Variants in CCSER1 observed in about 807,000 individuals in gnomAD.
CCSER1 encodes the protein coiled-coil serine rich protein 1.
Under a neutral mutation model 82.0 loss-of-function variants are expected in CCSER1, and 41 were observed. The observed-to-expected ratio is 0.50, with a 90% CI of 0.39 to 0.65. The LOEUF is 0.65. Ranked by LOEUF, CCSER1 falls within the 30% of genes least tolerant of loss-of-function variation. CCSER1 has a pLI of 0.00. For synonymous variants in CCSER1, 414 were observed against 383.9 expected (o/e 1.08, Z -0.92); for missense variants, 1,119 against 1,064.2 (o/e 1.05, Z -0.72).
At chr4:90,464,750 T>C (rs1191420417) in intron 4 of CCSER1, among the ~76,000 whole-genome samples, 2 of 152,232 alleles carry the variant, frequency 1.3e-5, no homozygotes, top group Admixed American at 6.5e-5. Flanking sequence ...GCAAATCTAT[T>C]TGAATATGGA....
intron 8 of CCSER1, among the ~76,000 whole-genome samples, chr4:90,831,291 A>G (rs1761079987): frequency 6.6e-6 from 1 of 152,192 alleles, no homozygotes; most frequent in African/African-American, 2.4e-5. Context: ...TTTACAGTGA[A>G]GAATAATAGG....
intron 6 of CCSER1, among the ~76,000 whole-genome samples, chr4:90,675,645 C>T (rs1189207754): frequency 9.4e-4 from 1 of 1,060 alleles, no homozygotes; most frequent in Non-Finnish European, 1.7e-3. Flanking sequence ...GTGTTTTTAT[C>T]TTTTTTTTTT....
chr4:90,774,252 A>G (rs1752608537), intron 7 of CCSER1, among the ~76,000 whole-genome samples: 1 of 152,096 alleles, frequency 6.6e-6, no homozygotes, highest in Non-Finnish European at 1.5e-5. Context: ...ATTCCTGTGA[A>G]ATTGATTTAT....
rs373891010 is a variant in CCSER1, at chr4:91,168,975, T to C, written c.2217+82981T>C. Reference sequence around the variant, plus strand: ...GATTAAGGGCGGTGCAAGATGTGCTTTGTTAAACAGATGCTTGAAGGCAGC... The same window carrying C: ...GATTAAGGGCGGTGCAAGATGTGCTCTGTTAAACAGATGCTTGAAGGCAGC... On this transcript the variant is annotated intron_variant, in intron 10 of 10. Coordinates refer to ENST00000509176, the MANE Select transcript of CCSER1 (RefSeq NM_001145065.2). 1.1e-4 allele frequency among the ~76,000 whole-genome samples: 16 copies of C among 152,168 alleles called. 1 individual carries two copies. The East Asian group carries it at 2.3e-3, about 22-fold the overall frequency.
chr4:91,537,112 G>A (rs867361930), intron 10 of CCSER1, among the ~76,000 whole-genome samples: 21 of 152,076 alleles, frequency 1.4e-4, no homozygotes, highest in African/African-American at 3.1e-4. Context: ...GTTTATTAGC[G>A]GTCAGGCATT....
At chr4:91,188,143 A>G (rs987229472) in intron 10 of CCSER1, among the ~76,000 whole-genome samples, 3 of 152,136 alleles carry the variant, frequency 2.0e-5, no homozygotes, top group African/African-American at 7.2e-5. Flanking sequence ...ATCTGTAGCT[A>G]CCAGCTAGGG....
At chr4:90,625,547 A>T (rs1325767023) in intron 5 of CCSER1, among the ~76,000 whole-genome samples, 1 of 152,090 alleles carries the variant, frequency 6.6e-6, no homozygotes, top group Non-Finnish European at 1.5e-5. Context: ...TTTCATGTAG[A>T]GATAAAATGT....
intron 1 of CCSER1, among the ~76,000 whole-genome samples, chr4:90,147,502 T>G (rs1232662305): frequency 1.3e-5 from 2 of 152,182 alleles, no homozygotes. Context: ...GTATTGGCCA[T>G]GTTCAAGTAC....
chr4:90,199,628 A>C (rs1384014789), intron 1 of CCSER1, among the ~76,000 whole-genome samples: 1 of 152,124 alleles, frequency 6.6e-6, no homozygotes, highest in Non-Finnish European at 1.5e-5. Flanking sequence ...CTGAAGAAAA[A>C]AAATATGTAT....
chr4:91,193,066 G>A (rs1221284961), intron 10 of CCSER1, among the ~76,000 whole-genome samples: 1 of 151,848 alleles, frequency 6.6e-6, no homozygotes, highest in Non-Finnish European at 1.5e-5. Flanking sequence ...ACTGACATGT[G>A]TTTTGTAATG....
chr4:91,415,658 T>C (rs1383493345), intron 10 of CCSER1, among the ~76,000 whole-genome samples: 4 of 152,170 alleles, frequency 2.6e-5, no homozygotes, highest in Non-Finnish European at 4.4e-5. Flanking sequence ...TCTATGTCTA[T>C]TGGAATAATC....
At chr4:91,056,756 A>G (rs566483875) in intron 9 of CCSER1, among the ~76,000 whole-genome samples, 1 of 152,008 alleles carries the variant, frequency 6.6e-6, no homozygotes, top group Admixed American at 6.6e-5. Context: ...GTTTTGTTTT[A>G]TTGTTTTAGG....
chr4:90,886,420 C>T (rs1043679821), intron 8 of CCSER1, among the ~76,000 whole-genome samples: 1 of 152,176 alleles, frequency 6.6e-6, no homozygotes, highest in African/African-American at 2.4e-5. Flanking sequence ...CTACCTCCCC[C>T]AGAAATGCCT....
intron 5 of CCSER1, among the ~76,000 whole-genome samples, chr4:90,556,142 A>G (rs1242706896): frequency 6.6e-6 from 1 of 152,140 alleles, no homozygotes; most frequent in African/African-American, 2.4e-5. Context: ...AGGCTTATCC[A>G]TTAGGCCCAT....
intron 10 of CCSER1, among the ~76,000 whole-genome samples, chr4:91,426,942 AAG>A (rs1754018224): frequency 6.6e-6 from 1 of 152,170 alleles, no homozygotes; most frequent in African/African-American, 2.4e-5. Context: ...ATAATCCTAT[AAG>A]TAGATGCTGT....
At chr4:90,631,700 T>G (rs539135158) in intron 6 of CCSER1, among the ~76,000 whole-genome samples, 1 of 152,272 alleles carries the variant, frequency 6.6e-6, no homozygotes, top group East Asian at 1.9e-4. Context: ...GCAGGCTAAA[T>G]AAATATACAG....
At chr4:90,553,879 A>T (rs1002088277) in intron 5 of CCSER1, among the ~76,000 whole-genome samples, 1 of 152,196 alleles carries the variant, frequency 6.6e-6, no homozygotes, top group African/African-American at 2.4e-5. Context: ...ATGAAAAAAG[A>T]CTGTCTCAAG....
intron 9 of CCSER1, among the ~76,000 whole-genome samples, chr4:90,924,844 A>C (rs1264388887): frequency 6.6e-6 from 1 of 152,098 alleles, no homozygotes; most frequent in Non-Finnish European, 1.5e-5. Context: ...CTCCTGCCTC[A>C]CCATCCCAGG....
At chr4:90,980,012 G>A (rs1735964740) in intron 9 of CCSER1, among the ~76,000 whole-genome samples, 1 of 151,730 alleles carries the variant, frequency 6.6e-6, no homozygotes, top group African/African-American at 2.4e-5. Context: ...AACTGATACA[G>A]GATATGATGA....
Sources: allele counts gnomAD v4.1 joint callset (sites outside exome capture counted in the v4.1 genomes callset), GRCh38; gene constraint gnomAD v4.1.1; transcripts MANE v1.5; gene names NCBI Gene and HGNC (gene_info 2026-07-23, HGNC 2026-07-21).